Variants in FKBP5 observed in about 807,000 individuals in gnomAD.
FKBP5 encodes peptidyl-prolyl cis-trans isomerase FKBP5.
FKBP5 carries 23 observed loss-of-function variants against 50.5 expected under a neutral mutation model. That is an observed-to-expected ratio of 0.46 (90% confidence interval 0.33 to 0.65). The LOEUF is 0.65. Ranked by LOEUF, FKBP5 falls within the 30% of genes least tolerant of loss-of-function variation. The pLI, the probability that FKBP5 is intolerant of heterozygous loss-of-function variation, is 0.02. For missense variants in FKBP5, 411 were observed against 553.1 expected, an observed-to-expected ratio of 0.74 and a Z score of 2.58; for synonymous variants, 176 against 190.6, an observed-to-expected ratio of 0.92 and a Z score of 0.63.
At chr6:35,670,135 A>G (rs1765343326) in intron 1 of FKBP5, among the ~76,000 whole-genome samples, 1 of 152,230 alleles carries the variant, frequency 6.6e-6, no homozygotes, top group Non-Finnish European at 1.5e-5. Context: ...CTTAGTTTGT[A>G]TCTTCACATC....
At chr6:35,581,644 T>C (rs1475301861) in intron 8 of FKBP5, 2 of 985,250 alleles carry the variant, frequency 2.0e-6, no homozygotes, top group East Asian at 1.1e-4. Flanking sequence ...TGAGACAATG[T>C]GTCCACTGTG....
In FKBP5 at chr6:35,620,238, G is replaced by T. The variant is rs749077379; in HGVS notation, c.287C>A (p.Thr96Asn). The part of the protein sequence containing the change: ...VIKAWDIGVA[T>N]MKKGEICHLL... The stretch of plus-strand genomic sequence containing the variant: ...ATGGCATATCTCTCCTTTCTTCATG[G>T]TAGCCACCCCAATGTCCCATGCCTT... The change falls in exon 4 of 11, where the codon ACC becomes AAC. Residue 96 changes from threonine (T) to asparagine (N), a missense_variant. Transcript: ENST00000357266. 4 of 1,614,102 alleles carry T rather than the reference G, an allele frequency of 2.5e-6. No homozygotes were observed. The highest frequency in any genetic ancestry group is 3.4e-6 in the Non-Finnish European group (4 of 1,180,012).
At chr6:35,582,513 G>A in intron 8 of FKBP5, 1 of 427,070 alleles carries the variant, frequency 2.3e-6, no homozygotes, top group Non-Finnish European at 3.1e-6. Context: ...GAAAGGCCAT[G>A]TGAGAACACA....
chr6:35,637,003 T>C lies in FKBP5; in HGVS notation c.250+11A>G. 6.3e-7 allele frequency: 1 copy of C among 1,576,496 alleles called. No individual in the cohort carries two copies. The highest frequency in any genetic ancestry group is 8.5e-7 in the Non-Finnish European group (1 of 1,169,734). On this transcript the variant is annotated intron_variant, in intron 3 of 10. Transcript: ENST00000357266. ...CTAAGTAAAACACAACTCAAAAAAA[T>C]ACCCTCTTACCTTTGCCAAGACTAA...
intron 5 of FKBP5, among the ~76,000 whole-genome samples, chr6:35,610,412 A>C (rs1343889906): frequency 1.3e-5 from 2 of 151,566 alleles, no homozygotes; most frequent in Non-Finnish European, 2.9e-5. Context: ...TAAAAATACA[A>C]AAAAAATCAG....
intron 1 of FKBP5, among the ~76,000 whole-genome samples, chr6:35,668,085 TACA>T (rs997632303): frequency 2.6e-5 from 4 of 152,292 alleles, no homozygotes; most frequent in Non-Finnish European, 5.9e-5. Context: ...TTAATTTTTC[TACA>T]ACGAGTGTGT....
chr6:35,667,019 CTGTGTGTGTGTGTGTGTG>C (rs35407744), intron 1 of FKBP5, among the ~76,000 whole-genome samples: 49 of 148,902 alleles, frequency 3.3e-4, no homozygotes, highest in Non-Finnish European at 5.7e-4. Flanking sequence ...GTGTGTGTGT[CTGTGTGTGTGTGTGTGTG>C]TGTGTGTGTG....
intron 1 of FKBP5, among the ~76,000 whole-genome samples, chr6:35,728,294 C>T (rs948754905): frequency 3.9e-5 from 6 of 152,184 alleles, no homozygotes; most frequent in African/African-American, 1.4e-4. Context: ...CGGCCCGCTC[C>T]TCTGCTCGCG....
intron 7 of FKBP5, among the ~76,000 whole-genome samples, chr6:35,589,131 T>TTTTATATATATATATATATATATA (rs1762734025): frequency 3.6e-5 from 5 of 138,758 alleles, no homozygotes; most frequent in South Asian, 2.2e-4. Context: ...TATATATATT[T>TTTTATATATATATATATATATATA]TTTTTTTTTT....
upstream of FKBP5, among the ~76,000 whole-genome samples, chr6:35,693,690 T>C (rs1766038044): frequency 6.6e-6 from 1 of 151,906 alleles, no homozygotes; most frequent in African/African-American, 2.4e-5. Flanking sequence ...CCAGCTAATT[T>C]TTTTATTTTT....
chr6:35,668,135 A>G (rs1336222185), intron 1 of FKBP5, among the ~76,000 whole-genome samples: 1 of 152,228 alleles, frequency 6.6e-6, no homozygotes, highest in Non-Finnish European at 1.5e-5. Flanking sequence ...ATTCAAAAAG[A>G]ATCCTCTATG....
chr6:35,625,485 T>C (rs1295535941), intron 3 of FKBP5, among the ~76,000 whole-genome samples: 1 of 151,322 alleles, frequency 6.6e-6, no homozygotes, highest in African/African-American at 2.4e-5. Context: ...GCCTGTAATC[T>C]CAGCACTTTG....
At chr6:35,689,296 C>T (rs538775948), upstream of FKBP5, among the ~76,000 whole-genome samples, 4 of 152,288 alleles carry the variant, frequency 2.6e-5, no homozygotes, top group African/African-American at 9.6e-5. Context: ...TCCTATCTGT[C>T]CACAGGGCCT....
intron 2 of FKBP5, among the ~76,000 whole-genome samples, chr6:35,714,270 G>A (rs1244910505): frequency 2.1e-5 from 3 of 142,862 alleles, no homozygotes; most frequent in African/African-American, 2.7e-5. Flanking sequence ...TGGCCAACAT[G>A]GTGAAACCCC....
chr6:35,626,999 T>G (rs1351585980), intron 3 of FKBP5, among the ~76,000 whole-genome samples: 1 of 152,236 alleles, frequency 6.6e-6, no homozygotes, highest in African/African-American at 2.4e-5. Flanking sequence ...TGCCCACAAG[T>G]AGAACTGCTA....
chr6:35,714,686 G>A (rs559680840), intron 2 of FKBP5, among the ~76,000 whole-genome samples: 78 of 149,300 alleles, frequency 5.2e-4, no homozygotes, highest in African/African-American at 1.8e-3. Context: ...GCATGGTGGC[G>A]GGAGCCTGTA....
chr6:35,676,187 G>A (rs1251317217), intron 1 of FKBP5, among the ~76,000 whole-genome samples: 2 of 152,126 alleles, frequency 1.3e-5, no homozygotes, highest in Non-Finnish European at 1.5e-5. Flanking sequence ...AATAGAAGGT[G>A]AAAGTAAGGG....
chr6:35,601,560 A>G (rs1206901765), intron 5 of FKBP5, among the ~76,000 whole-genome samples: 1 of 152,210 alleles, frequency 6.6e-6, no homozygotes, highest in Non-Finnish European at 1.5e-5. Context: ...TTTTAATGTT[A>G]TCTTAAAAAT....
intron 9 of FKBP5, among the ~76,000 whole-genome samples, chr6:35,579,128 AAAAC>A (rs1452675693): frequency 1.3e-5 from 2 of 151,462 alleles, no homozygotes; most frequent in African/African-American, 2.4e-5. Flanking sequence ...ACTTGTCTCT[AAAAC>A]AAACAAAACA....
Sources: allele counts gnomAD v4.1 joint callset (sites outside exome capture counted in the v4.1 genomes callset), GRCh38; gene constraint gnomAD v4.1.1; transcripts MANE v1.5; gene names NCBI Gene and HGNC (gene_info 2026-07-23, HGNC 2026-07-21).